LRRC36: variants seen among roughly 807,000 people sequenced by gnomAD.
The protein encoded by LRRC36 is leucine rich repeat containing 36.
A neutral mutation model predicts 81.1 loss-of-function variants in LRRC36; 62 were observed. The ratio of observed to expected loss-of-function variants is 0.76; its 90% CI spans 0.62 to 0.94. LRRC36 has a LOEUF of 0.94. LRRC36 is among the 40% of genes least tolerant of loss of function. The pLI, the probability that LRRC36 is intolerant of heterozygous loss-of-function variation, is 0.00. For synonymous variants in LRRC36, 334 were observed against 348.6 expected (o/e 0.96, Z 0.47); for missense variants, 761 against 881.7 (o/e 0.86, Z 1.73).
In LRRC36 at chr16:67,358,709, T is replaced by TA. The variant is rs1289807305; in HGVS notation, c.578-4873dup. On this transcript the variant is annotated intron_variant, in intron 5 of 13. Coordinates refer to ENST00000329956, the MANE Select transcript of LRRC36 (RefSeq NM_018296.6). ...AACAAAAAGACAAAAACAACCCAATTAAAAAAAATGTGGGCAGAGAATTTG... is the reference window on the plus strand; with the variant it reads ...AACAAAAAGACAAAAACAACCCAATTAAAAAAAAATGTGGGCAGAGAATTTG... Among the ~76,000 whole-genome samples, 5 of 151,156 alleles carry TA rather than the reference T, an allele frequency of 3.3e-5. No homozygotes were observed. In the South Asian group the frequency reaches 6.3e-4, roughly 19 times the overall value.
Position 67,384,500 on chromosome 16 carries a change from C to T in LRRC36, c.2046-370C>T, listed in dbSNP as rs191888087. 3.9e-5 allele frequency among the ~76,000 whole-genome samples: 6 copies of T among 152,228 alleles called. No individual in the cohort carries two copies. In the East Asian group the frequency reaches 1.2e-3, roughly 29 times the overall value. On this transcript the variant is annotated intron_variant, in intron 13 of 13. Transcript: ENST00000329956. ...CATGACTAGCACCATTAGTGAATTG[C>T]AGTGGCAGGATAGATTAGAAGTAGA...
Position 67,377,738 on chromosome 16 carries a change from G to A in LRRC36, c.1807-851G>A, listed in dbSNP as rs371490452. On this transcript the variant is annotated intron_variant, in intron 11 of 13. Transcript: ENST00000329956. ...CAAGCTCCGCCTCCCGGGTTCAAGC[G>A]ATTCTCCTGCCTCAGCCTCCCAAGT... 3.2e-4 allele frequency among the ~76,000 whole-genome samples: 48 copies of A among 148,132 alleles called. 1 individual carries two copies. In the South Asian group the frequency reaches 9.5e-3, roughly 29 times the overall value.
chr16:67,331,842 G>A (rs2037506157), intron 1 of LRRC36, among the ~76,000 whole-genome samples: 2 of 152,020 alleles, frequency 1.3e-5, no homozygotes, highest in Admixed American at 1.3e-4. Flanking sequence ...ATAAAAATTA[G>A]CTGGGCGGGG....
chr16:67,365,044 C>T (rs2039320015), intron 6 of LRRC36: 1 of 364,430 alleles, frequency 2.7e-6, no homozygotes, highest in African/African-American at 2.1e-5. Context: ...CTTCTATGAG[C>T]TATCTAAGGC....
chr16:67,336,934 A>C (rs1044678054), intron 1 of LRRC36, among the ~76,000 whole-genome samples: 1 of 151,152 alleles, frequency 6.6e-6, no homozygotes, highest in Non-Finnish European at 1.5e-5. Flanking sequence ...CACCCGGCTA[A>C]TTTTTTTAAT....
At chr16:67,328,851 A>T (rs960576725) in intron 1 of LRRC36, among the ~76,000 whole-genome samples, 1 of 152,162 alleles carries the variant, frequency 6.6e-6, no homozygotes, top group East Asian at 1.9e-4. Context: ...GACTATTTTG[A>T]AGCAAATTCC....
At chr16:67,336,303 CAT>C (rs1185257856) in intron 1 of LRRC36, among the ~76,000 whole-genome samples, 2 of 152,168 alleles carry the variant, frequency 1.3e-5, no homozygotes, top group Non-Finnish European at 2.9e-5. Flanking sequence ...TGTAAACATT[CAT>C]GTGCAGGTTT....
intron 10 of LRRC36, among the ~76,000 whole-genome samples, chr16:67,376,459 C>T (rs1055032451): frequency 6.6e-6 from 1 of 152,150 alleles, no homozygotes; most frequent in Non-Finnish European, 1.5e-5. Flanking sequence ...CCTATTGCTC[C>T]CATTTTGTAG....
At chr16:67,334,100 C>T (rs1178888750) in intron 1 of LRRC36, among the ~76,000 whole-genome samples, 2 of 150,674 alleles carry the variant, frequency 1.3e-5, no homozygotes, top group Non-Finnish European at 3.0e-5. Flanking sequence ...GCGTGGATCT[C>T]GGCTCACCGC....
intron 6 of LRRC36, among the ~76,000 whole-genome samples, chr16:67,364,632 A>G (rs992495614): frequency 6.6e-6 from 1 of 152,196 alleles, no homozygotes; most frequent in Admixed American, 6.5e-5. Context: ...AACCATATTG[A>G]CTTAAGGAAA....
Position 67,363,593 on chromosome 16 carries a change from C to G in LRRC36, c.581C>G (p.Ser194Ter), listed in dbSNP as rs1463986822. ...ANVDSRIEMD[S>*]NKGLFIPFPN... ...TTTGCTTTTTCTTTTAACACAGACT[C>G]AAACAAAGGACTTTTTATTCCCTTC... is the stretch of plus-strand genomic sequence containing the variant. The change falls in exon 6 of 14, where the codon TCA becomes TGA. Residue 194 changes from serine to a stop codon, truncating the protein, a stop_gained. Coordinates refer to ENST00000329956, the MANE Select transcript of LRRC36 (RefSeq NM_018296.6). LOFTEE classifies it high-confidence loss of function. The G allele has an allele frequency of 1.2e-6, 2 of 1,613,602 alleles. No homozygotes were observed. Among genetic ancestry groups the G allele is most frequent in the East Asian group, 2.2e-5 (1 of 44,864 alleles).
chr16:67,362,204 C>T (rs1373529416), intron 5 of LRRC36: 1 of 453,200 alleles, frequency 2.2e-6, no homozygotes, highest in African/African-American at 2.0e-5. Flanking sequence ...GCTCTGTCGC[C>T]CAGACTGGAG....
At chr16:67,357,012 G>A (rs1022858902) in intron 5 of LRRC36, among the ~76,000 whole-genome samples, 2 of 152,194 alleles carry the variant, frequency 1.3e-5, no homozygotes, top group African/African-American at 4.8e-5. Flanking sequence ...TTAAACGTGT[G>A]ATTTGAGAGA....
chr16:67,369,141 T>C (rs919612497), intron 8 of LRRC36, among the ~76,000 whole-genome samples: 2 of 152,122 alleles, frequency 1.3e-5, no homozygotes, highest in Non-Finnish European at 2.9e-5. Flanking sequence ...TATAAGTGTA[T>C]GGGTGACAGT....
intron 5 of LRRC36, chr16:67,362,201 C>T (rs191557095): frequency 1.2e-4 from 54 of 453,176 alleles, no homozygotes; most frequent in African/African-American, 7.0e-4. Context: ...CTTGCTCTGT[C>T]GCCCAGACTG....
intron 8 of LRRC36, 90 bp from the exon 9 acceptor site, chr16:67,370,854 T>C (rs1396169459): frequency 9.5e-7 from 1 of 1,056,510 alleles, no homozygotes; most frequent in Non-Finnish European, 1.4e-6. Context: ...GTGGTTATTA[T>C]GACCCTTGGA....
chr16:67,379,677 C>T (rs1270889690), intron 12 of LRRC36, among the ~76,000 whole-genome samples: 1 of 152,046 alleles, frequency 6.6e-6, no homozygotes, highest in Non-Finnish European at 1.5e-5. Context: ...AGCACTCCAG[C>T]CTAGGCAACA....
At chr16:67,342,582 G>A (rs752328257) in intron 2 of LRRC36, among the ~76,000 whole-genome samples, 8 of 152,170 alleles carry the variant, frequency 5.3e-5, no homozygotes, top group African/African-American at 9.7e-5. Context: ...AGGGGATGAT[G>A]GAGCAGAGGG....
At chr16:67,341,241 T>C (rs1023214712) in intron 1 of LRRC36, among the ~76,000 whole-genome samples, 2 of 142,112 alleles carry the variant, frequency 1.4e-5, no homozygotes, top group African/African-American at 5.1e-5. Context: ...TATATAATTA[T>C]ATATAATTAT....
Sources: gnomAD v4.1 joint callset for allele counts (sites outside exome capture counted in the v4.1 genomes callset) on GRCh38, gnomAD v4.1.1 for gene constraint, MANE v1.5 for transcripts, NCBI Gene and HGNC (gene_info 2026-07-23, HGNC 2026-07-21) for gene names.